DLG1: variants seen among roughly 807,000 people sequenced by gnomAD.
The protein encoded by DLG1 is disks large homolog 1.
A neutral mutation model predicts 123.4 loss-of-function variants in DLG1; 42 were observed. The ratio of observed to expected loss-of-function variants is 0.34; its 90% CI spans 0.27 to 0.44. The LOEUF (loss-of-function observed/expected upper bound fraction) is 0.44. DLG1 is among the 20% of genes least tolerant of loss of function. The pLI is 1.00. For missense variants in DLG1, 942 were observed against 1,082.6 expected, an observed-to-expected ratio of 0.87 and a Z score of 1.82; for synonymous variants, 317 against 356.2, an observed-to-expected ratio of 0.89 and a Z score of 1.24.
intron 13 of DLG1, among the ~76,000 whole-genome samples, chr3:197,114,471 CTG>C (rs1367470653): frequency 7.9e-5 from 12 of 152,164 alleles, no homozygotes; most frequent in Non-Finnish European, 1.8e-4. Flanking sequence ...AGCTATCAAC[CTG>C]TGTAATTCTA....
At chr3:197,180,262 G>A (rs1443560103) in intron 5 of DLG1, among the ~76,000 whole-genome samples, 3 of 152,042 alleles carry the variant, frequency 2.0e-5, no homozygotes, top group Non-Finnish European at 4.4e-5. Flanking sequence ...TCACCTAGGC[G>A]TTAATCAAGT....
chr3:197,298,831 C>T, upstream of DLG1: 1 of 376,176 alleles, frequency 2.7e-6, no homozygotes. Flanking sequence ...GAAATAGAGA[C>T]ACTGGTTAAC....
chr3:197,168,869 T>C (rs1290338856), intron 5 of DLG1, among the ~76,000 whole-genome samples: 2 of 152,204 alleles, frequency 1.3e-5, no homozygotes, highest in South Asian at 2.1e-4. Flanking sequence ...CTTCAGAGAC[T>C]TGTTTCCATG....
At chr3:197,197,813 A>G (rs1723329462) in intron 4 of DLG1, among the ~76,000 whole-genome samples, 1 of 152,256 alleles carries the variant, frequency 6.6e-6, no homozygotes, top group South Asian at 2.1e-4. Flanking sequence ...AGATCAATGG[A>G]ATTGAATAAA....
At chr3:197,202,051 T>C (rs1364442669) in intron 4 of DLG1, among the ~76,000 whole-genome samples, 1 of 152,048 alleles carries the variant, frequency 6.6e-6, no homozygotes, top group African/African-American at 2.4e-5. Context: ...ACCACGTGCA[T>C]TGCTTTAGTG....
chr3:197,193,715 C>A (rs1005322584), intron 5 of DLG1, among the ~76,000 whole-genome samples: 2 of 151,656 alleles, frequency 1.3e-5, no homozygotes, highest in African/African-American at 4.9e-5. Flanking sequence ...TATGGTAGAA[C>A]TTTAATAAGA....
intron 4 of DLG1, among the ~76,000 whole-genome samples, chr3:197,243,791 T>C (rs769289548): frequency 4.6e-5 from 7 of 152,338 alleles, no homozygotes; most frequent in Non-Finnish European, 1.0e-4. Context: ...CAGAATAACA[T>C]GGACTCAGAC....
intron 4 of DLG1, among the ~76,000 whole-genome samples, chr3:197,272,216 G>A (rs1018354343): frequency 6.6e-6 from 1 of 152,156 alleles, no homozygotes; most frequent in African/African-American, 2.4e-5. Flanking sequence ...ACTGGGCACA[G>A]TGGCTCACGC....
chr3:197,239,646 T>C (rs1225648686), intron 4 of DLG1, among the ~76,000 whole-genome samples: 2 of 152,088 alleles, frequency 1.3e-5, no homozygotes, highest in Non-Finnish European at 2.9e-5. Flanking sequence ...GGATTGGGAT[T>C]TATTCCTGGA....
chr3:197,153,088 AACAAGTGCTTT>A (rs1195753098), intron 5 of DLG1, among the ~76,000 whole-genome samples: 8 of 152,306 alleles, frequency 5.3e-5, no homozygotes, highest in South Asian at 2.1e-4. Context: ...CTCAATTATG[AACAAGTGCTTT>A]ACAAGTGCTT....
chr3:197,297,616 A>G (rs1399725274), intron 1 of DLG1: 1 of 1,009,524 alleles, frequency 9.9e-7, no homozygotes, highest in Non-Finnish European at 1.2e-6. Context: ...CAGAGCGCTG[A>G]GAGGGGACCA....
chr3:197,101,153 G>A (rs367579670), intron 14 of DLG1, among the ~76,000 whole-genome samples: 15 of 152,234 alleles, frequency 9.9e-5, no homozygotes, highest in African/African-American at 3.4e-4. Flanking sequence ...CAAGGGTGGA[G>A]GAAAAGGTTT....
intron 4 of DLG1, among the ~76,000 whole-genome samples, chr3:197,281,810 AAGGG>A (rs1309433541): frequency 1.3e-5 from 2 of 152,194 alleles, no homozygotes; most frequent in Non-Finnish European, 2.9e-5. Flanking sequence ...ACATGAAGAC[AAGGG>A]ATCAGATGTG....
At chr3:197,277,161 G>C (rs1459122933) in intron 4 of DLG1, among the ~76,000 whole-genome samples, 2 of 151,518 alleles carry the variant, frequency 1.3e-5, no homozygotes, top group African/African-American at 4.9e-5. Context: ...CAAAGTGCTG[G>C]AATTACAGGC....
intron 4 of DLG1, among the ~76,000 whole-genome samples, chr3:197,252,624 G>A (rs1247856230): frequency 6.6e-6 from 1 of 152,162 alleles, no homozygotes; most frequent in Non-Finnish European, 1.5e-5. Context: ...GATGACTATG[G>A]AACTTCAGCT....
At chr3:197,126,274 G>A (rs540714619) in intron 11 of DLG1, among the ~76,000 whole-genome samples, 1 of 152,060 alleles carries the variant, frequency 6.6e-6, no homozygotes, top group South Asian at 2.1e-4. Flanking sequence ...TCGGGAGTTC[G>A]AGACCAGCCT....
At chr3:197,253,952 G>A (rs1755673209) in intron 4 of DLG1, among the ~76,000 whole-genome samples, 1 of 151,814 alleles carries the variant, frequency 6.6e-6, no homozygotes, top group East Asian at 1.9e-4. Flanking sequence ...GGAAATTTCT[G>A]CACACGAAGG....
chr3:197,206,236 A>T (rs886721221), intron 4 of DLG1, among the ~76,000 whole-genome samples: 1 of 152,228 alleles, frequency 6.6e-6, no homozygotes, highest in African/African-American at 2.4e-5. Context: ...GGATTCTTCT[A>T]AGATGGCATT....
At chr3:197,221,687 A>C (rs1165964485) in intron 4 of DLG1, among the ~76,000 whole-genome samples, 2 of 152,184 alleles carry the variant, frequency 1.3e-5, no homozygotes, top group African/African-American at 4.8e-5. Flanking sequence ...ATTACTTGAC[A>C]AGTTCTAAAA....
Sources: allele counts gnomAD v4.1 joint callset (sites outside exome capture counted in the v4.1 genomes callset), GRCh38; gene constraint gnomAD v4.1.1; transcripts MANE v1.5; gene names NCBI Gene and HGNC (gene_info 2026-07-23, HGNC 2026-07-21).